Variants in STK24 observed in about 807,000 individuals in gnomAD.
STK24 encodes the protein serine/threonine-protein kinase 24.
A neutral mutation model predicts 55.6 loss-of-function variants in STK24; 21 were observed. The observed-to-expected ratio is 0.38, with a 90% CI of 0.27 to 0.54. STK24 has a LOEUF of 0.54. STK24 is among the 20% of genes least tolerant of loss of function. The pLI, the probability that STK24 is intolerant of heterozygous loss-of-function variation, is 0.79. For missense variants in STK24, 383 were observed against 538.4 expected (o/e 0.71, Z 2.86); for synonymous variants, 200 against 215.2 (o/e 0.93, Z 0.62).
Position 98,514,866 on chromosome 13 carries a change from G to T in STK24, c.273+4377C>A, listed in dbSNP as rs4529985. Among the ~76,000 whole-genome samples, 50 of 151,980 alleles carry T rather than the reference G, an allele frequency of 3.3e-4. 1 individual carries two copies. Among genetic ancestry groups the T allele is most frequent in the African/African-American group, 1.1e-3 (47 of 41,414 alleles). On this transcript the variant is annotated intron_variant, in intron 2 of 10. Transcript: ENST00000539966. ...AGATAACTTAAAATTTTTTTAATAA[G>T]GGAAAATCATCATTTACTAAAAATC...
intron 1 of STK24, among the ~76,000 whole-genome samples, chr13:98,535,396 TATACACACACAC>T (rs1896700056): frequency 3.3e-5 from 2 of 60,090 alleles, no homozygotes; most frequent in African/African-American, 1.7e-4. Flanking sequence ...TATATGTGTG[TATACACACACAC>T]ACACACACAC....
At chr13:98,468,287 G>A (rs1372759738) in intron 5 of STK24, among the ~76,000 whole-genome samples, 2 of 152,158 alleles carry the variant, frequency 1.3e-5, no homozygotes, top group South Asian at 2.1e-4. Context: ...TGTACTGAAG[G>A]GGTCAGTCTA....
At chr13:98,529,696 A>C (rs1393067558) in intron 1 of STK24, among the ~76,000 whole-genome samples, 1 of 151,874 alleles carries the variant, frequency 6.6e-6, no homozygotes, top group African/African-American at 2.4e-5. Context: ...CAAACAAACC[A>C]CCAAACAGGG....
chr13:98,473,741 C>G (rs1327683463), intron 5 of STK24, among the ~76,000 whole-genome samples: 1 of 152,242 alleles, frequency 6.6e-6, no homozygotes, highest in Non-Finnish European at 1.5e-5. Flanking sequence ...ACAGCCACCG[C>G]TACCACTCAA....
rs540334267 is a variant in STK24, at chr13:98,501,811, G to A, written c.273+17432C>T. ...GCTCCCCTAGCCCTGTCTGCTCTCC[G>A]ACACGGCCCAAGGTCCCCATTTGGC... On this transcript the variant is annotated intron_variant, in intron 2 of 10. Coordinates refer to ENST00000539966, the MANE Select transcript of STK24 (RefSeq NM_001032296.4). Among the ~76,000 whole-genome samples, 6 of 152,226 alleles carry A rather than the reference G, an allele frequency of 3.9e-5. No homozygotes were observed. The East Asian group carries it at 1.2e-3, about 29-fold the overall frequency.
chr13:98,530,767 T>C (rs1896559573), intron 1 of STK24, among the ~76,000 whole-genome samples: 1 of 152,190 alleles, frequency 6.6e-6, no homozygotes, highest in African/African-American at 2.4e-5. Context: ...GCCGGCAACG[T>C]GGTGAACTGC....
chr13:98,529,650 A>G (rs1283139079), intron 1 of STK24, among the ~76,000 whole-genome samples: 2 of 152,268 alleles, frequency 1.3e-5, no homozygotes, highest in East Asian at 3.9e-4. Flanking sequence ...GGTGGAGAAT[A>G]GATCCTTGGT....
At chr13:98,458,362 C>T (rs552772866) in intron 9 of STK24, among the ~76,000 whole-genome samples, 31 of 152,254 alleles carry the variant, frequency 2.0e-4, no homozygotes, top group African/African-American at 5.3e-4. Flanking sequence ...ACATCTCAGG[C>T]GACATTCAGC....
chr13:98,506,480 C>G (rs1368527785), intron 2 of STK24, among the ~76,000 whole-genome samples: 1 of 152,204 alleles, frequency 6.6e-6, no homozygotes, highest in African/African-American at 2.4e-5. Flanking sequence ...CAAAACGAGG[C>G]TCCTGGCAGC....
At chr13:98,532,949 C>T (rs1289480002) in intron 1 of STK24, among the ~76,000 whole-genome samples, 1 of 152,258 alleles carries the variant, frequency 6.6e-6, no homozygotes, top group African/African-American at 2.4e-5. Context: ...ATAGTATACA[C>T]TTTATTTTAT....
Position 98,446,676 on chromosome 13 carries a change from C to T in STK24, c.*6497G>A. 6.2e-7 allele frequency: 1 copy of T among 1,614,106 alleles called. No homozygotes were observed. The highest frequency in any genetic ancestry group is 2.2e-5 in the East Asian group (1 of 44,860). On this transcript the variant is annotated 3_prime_UTR_variant, in exon 11 of 11. Transcript: ENST00000539966. ...GTTTCCCCTTTCCAGGACAATCATC[C>T]CCTTGCCAGCCTGCCTCTGCTCGGC...
intron 1 of STK24, among the ~76,000 whole-genome samples, chr13:98,523,862 C>G (rs1295237242): frequency 6.6e-6 from 1 of 152,230 alleles, no homozygotes; most frequent in African/African-American, 2.4e-5. Context: ...CTGGGCACTG[C>G]CCCAGCGGAG....
rs570972041 is a variant in STK24 at position 98,502,467 on chromosome 13, A to C, written c.273+16776T>G. On this transcript the variant is annotated intron_variant, in intron 2 of 10. Coordinates refer to ENST00000539966, the MANE Select transcript of STK24 (RefSeq NM_001032296.4). Reference sequence around the variant, plus strand: ...CTACGATTTGAATGTGTCCCCCAAAATTCATGGGTTGGAAACTTAATCTCC... The same window carrying C: ...CTACGATTTGAATGTGTCCCCCAAACTTCATGGGTTGGAAACTTAATCTCC... 1.2e-3 allele frequency among the ~76,000 whole-genome samples: 188 copies of C among 152,264 alleles called. 3 individuals are homozygous for C. The South Asian group carries it at 0.016, about 13-fold the overall frequency.
chr13:98,537,629 G>A (rs915526077), intron 1 of STK24, among the ~76,000 whole-genome samples: 12 of 152,178 alleles, frequency 7.9e-5, no homozygotes, highest in African/African-American at 2.4e-4. Flanking sequence ...CAGCAAGCAG[G>A]TGGAGACGTG....
intron 1 of STK24, among the ~76,000 whole-genome samples, chr13:98,539,366 G>C (rs2139416984): frequency 6.6e-6 from 1 of 152,214 alleles, no homozygotes; most frequent in Non-Finnish European, 1.5e-5. Context: ...ATATTAAAAT[G>C]ATTCTTGATG....
intron 2 of STK24, among the ~76,000 whole-genome samples, chr13:98,504,441 A>T (rs1380560617): frequency 6.6e-6 from 1 of 152,214 alleles, no homozygotes; most frequent in Non-Finnish European, 1.5e-5. Context: ...GAAAAGTCAG[A>T]GCTTAGTCTC....
At chr13:98,520,558 T>G (rs1896222543) in intron 1 of STK24, among the ~76,000 whole-genome samples, 2 of 151,942 alleles carry the variant, frequency 1.3e-5, no homozygotes. Flanking sequence ...AGAAAGAGAA[T>G]GAGGAGAAGA....
In STK24 at chr13:98,549,272, G is replaced by A. The variant is rs7994823; in HGVS notation, c.42+27473C>T. Among the ~76,000 whole-genome samples the A allele has an allele frequency of 8.4e-3, 1,280 of 152,308 alleles. 23 individuals carry two copies. The highest frequency in any genetic ancestry group is 0.028 in the African/African-American group (1,177 of 41,562). On this transcript the variant is annotated intron_variant, in intron 1 of 10. Coordinates refer to ENST00000539966, the MANE Select transcript of STK24 (RefSeq NM_001032296.4). ...CATTGCTTACAGTTCTGGAGGTTGG[G>A]AAGTCCAAGGTCAAGGCACTGGCAG...
chr13:98,532,579 C>T (rs372182059), intron 1 of STK24, among the ~76,000 whole-genome samples: 2 of 152,124 alleles, frequency 1.3e-5, no homozygotes, highest in South Asian at 2.1e-4. Flanking sequence ...GCTTCGTGTA[C>T]GGTGAACTAG....
Sources: gnomAD v4.1 joint callset for allele counts (sites outside exome capture counted in the v4.1 genomes callset) on GRCh38, gnomAD v4.1.1 for gene constraint, MANE v1.5 for transcripts, NCBI Gene and HGNC (gene_info 2026-07-23, HGNC 2026-07-21) for gene names.